Variants in SGCD observed in about 807,000 individuals in gnomAD.
The protein encoded by SGCD is sarcoglycan delta.
SGCD carries 18 observed loss-of-function variants against 36.6 expected under a neutral mutation model. The ratio of observed to expected loss-of-function variants is 0.49; its 90% CI spans 0.34 to 0.73. The LOEUF (loss-of-function observed/expected upper bound fraction) is 0.73, where lower values mean the gene tolerates loss of function less well. Ranked by LOEUF, SGCD falls within the 30% of genes least tolerant of loss-of-function variation. The pLI, the probability that SGCD is intolerant of heterozygous loss-of-function variation, is 0.01. For synonymous variants in SGCD, 133 were observed against 130.6 expected (o/e 1.02, Z -0.12); for missense variants, 387 against 346.7 (o/e 1.12, Z -0.92).
the SGCD span, among the ~76,000 whole-genome samples, chr5:155,792,159 C>A: frequency 1.3e-5 from 2 of 152,006 alleles, no homozygotes; most frequent in African/African-American, 4.8e-5. Flanking sequence ...GGGGAAAGGA[C>A]TTCCTATTCA....
intron 6 of SGCD, among the ~76,000 whole-genome samples, chr5:156,599,764 C>T (rs1291136488): frequency 2.6e-5 from 4 of 152,214 alleles, no homozygotes; most frequent in South Asian, 2.1e-4. Flanking sequence ...CTGGGGAAAG[C>T]AGAGCAACCA....
intron 6 of SGCD, among the ~76,000 whole-genome samples, chr5:156,627,529 A>G (rs1762480659): frequency 6.6e-6 from 1 of 152,222 alleles, no homozygotes; most frequent in Non-Finnish European, 1.5e-5. Context: ...GGTGCCATTT[A>G]TCACTAACAT....
chr5:156,653,493 C>CTTGTTTTTTTTTTTT (rs1763545133), intron 7 of SGCD, among the ~76,000 whole-genome samples: 1 of 48,082 alleles, frequency 2.1e-5, no homozygotes, highest in African/African-American at 6.4e-5. Context: ...CTAAAGCTTG[C>CTTGTTTTTTTTTTTT]TTTTTTTTTT....
chr5:156,693,528 A>G (rs1754194164), intron 7 of SGCD, among the ~76,000 whole-genome samples: 1 of 152,006 alleles, frequency 6.6e-6, no homozygotes, highest in Admixed American at 6.6e-5. Flanking sequence ...ATGAGAAAAT[A>G]CTCTTTAGGA....
chr5:156,143,880 C>T (rs980849503), intron 3 of SGCD, among the ~76,000 whole-genome samples: 1 of 114,186 alleles, frequency 8.8e-6, no homozygotes, highest in Non-Finnish European at 1.7e-5. Context: ...AAGGCTATCC[C>T]TCCCCCCTCC....
intron 3 of SGCD, among the ~76,000 whole-genome samples, chr5:156,219,394 T>C (rs1475588352): frequency 6.6e-6 from 1 of 152,222 alleles, no homozygotes; most frequent in Non-Finnish European, 1.5e-5. Context: ...TGTATGTGTG[T>C]ATGCATTTCT....
rs114875603 is a variant in SGCD, at chr5:156,675,510, C to T, written c.575+27974C>T. Reference sequence around the variant, plus strand: ...ACCAATTAATTTGCCAGGCTGGTCCCAAAATTAAAACTGAACTTTAACCCT... The same window carrying T: ...ACCAATTAATTTGCCAGGCTGGTCCTAAAATTAAAACTGAACTTTAACCCT... On this transcript the variant is annotated intron_variant, in intron 7 of 8. Coordinates refer to ENST00000337851, the MANE Select transcript of SGCD (RefSeq NM_000337.6). Among the ~76,000 whole-genome samples, 571 of 152,178 alleles carry T rather than the reference C, an allele frequency of 3.8e-3. 4 individuals carry two copies. The highest frequency in any genetic ancestry group is 0.012 in the African/African-American group (479 of 41,518).
intron 3 of SGCD, among the ~76,000 whole-genome samples, chr5:156,256,131 G>A (rs906124473): frequency 2.6e-5 from 4 of 152,114 alleles, no homozygotes; most frequent in Non-Finnish European, 5.9e-5. Context: ...TTTGCAAGTA[G>A]AGAAAGGGAG....
At chr5:156,538,026 C>G (rs898246801) in intron 4 of SGCD, among the ~76,000 whole-genome samples, 7 of 151,958 alleles carry the variant, frequency 4.6e-5, no homozygotes, top group South Asian at 2.1e-4. Context: ...TCGGGTAGAG[C>G]TTTCAGAAGC....
At chr5:156,646,092 T>C (rs956726603) in intron 6 of SGCD, among the ~76,000 whole-genome samples, 2 of 152,146 alleles carry the variant, frequency 1.3e-5, no homozygotes, top group Non-Finnish European at 1.5e-5. Context: ...AGAAGTCTTA[T>C]CAATGAGTTT....
At chr5:155,831,437 A>G in the SGCD span, among the ~76,000 whole-genome samples, 2 of 152,256 alleles carry the variant, frequency 1.3e-5, no homozygotes, top group Non-Finnish European at 2.9e-5. Context: ...AATAGTGGGA[A>G]ACGTAGAAAT....
chr5:156,264,650 T>C (rs754405990), intron 3 of SGCD, among the ~76,000 whole-genome samples: 6 of 152,022 alleles, frequency 3.9e-5, no homozygotes, highest in Non-Finnish European at 8.8e-5. Flanking sequence ...AGATAATGCA[T>C]TAGAAAGTAC....
chr5:156,214,327 T>C (rs1383501742), intron 3 of SGCD, among the ~76,000 whole-genome samples: 1 of 151,504 alleles, frequency 6.6e-6, no homozygotes, highest in Non-Finnish European at 1.5e-5. Flanking sequence ...TTCTGAAAAA[T>C]AAATCAAGAA....
intron 5 of SGCD, among the ~76,000 whole-genome samples, chr5:156,589,615 C>T (rs1738546671): frequency 6.6e-6 from 1 of 152,156 alleles, no homozygotes; most frequent in Non-Finnish European, 1.5e-5. Context: ...ATCAGGTGCT[C>T]AGCCAAAGAA....
chr5:156,160,691 T>C (rs920551649), intron 3 of SGCD, among the ~76,000 whole-genome samples: 6 of 151,334 alleles, frequency 4.0e-5, no homozygotes, highest in African/African-American at 1.5e-4. Context: ...TTTGCTAACA[T>C]TGTGCTTGAT....
intron 1 of SGCD, among the ~76,000 whole-genome samples, chr5:156,044,592 T>C (rs1171171973): frequency 6.6e-6 from 1 of 152,146 alleles, no homozygotes; most frequent in Non-Finnish European, 1.5e-5. Flanking sequence ...ATAATTGTAG[T>C]TGGTTCACTG....
At chr5:156,348,922 G>C (rs545749204) in intron 3 of SGCD, among the ~76,000 whole-genome samples, 1 of 151,992 alleles carries the variant, frequency 6.6e-6, no homozygotes, top group East Asian at 1.9e-4. Flanking sequence ...CAATGGAACC[G>C]AAGAGAGAAC....
chr5:156,237,987 G>A (rs1765209445), intron 3 of SGCD, among the ~76,000 whole-genome samples: 1 of 149,190 alleles, frequency 6.7e-6, no homozygotes, highest in South Asian at 2.1e-4. Flanking sequence ...TCACTCTGTT[G>A]CCCAGGCTGT....
chr5:156,729,808 A>G (rs1198913293), intron 7 of SGCD, among the ~76,000 whole-genome samples: 3 of 152,206 alleles, frequency 2.0e-5, no homozygotes, highest in African/African-American at 4.8e-5. Flanking sequence ...AAGGCCCTGA[A>G]GTGAAAACAG....
Sources: allele counts gnomAD v4.1 joint callset (sites outside exome capture counted in the v4.1 genomes callset), GRCh38; gene constraint gnomAD v4.1.1; transcripts MANE v1.5; gene names NCBI Gene and HGNC (gene_info 2026-07-23, HGNC 2026-07-21).